NUTM2E: variants seen among roughly 807,000 people sequenced by gnomAD.
NUTM2E encodes the protein family with sequence similarity 22, member E.
Under a neutral mutation model 26.1 loss-of-function variants are expected in NUTM2E, and 3 were observed. That is an observed-to-expected ratio of 0.12 (90% CI 0.05 to 0.30). The LOEUF is 0.30. Among genes scored for constraint, NUTM2E ranks in the 10% least tolerant of loss-of-function variants. The pLI, the probability that NUTM2E is intolerant of heterozygous loss-of-function variation, is 1.00. For missense variants in NUTM2E, 62 were observed against 381.3 expected, an observed-to-expected ratio of 0.16 and a Z score of 6.97; for synonymous variants, 13 against 157.5, an observed-to-expected ratio of 0.08 and a Z score of 6.87.
intron 1 of NUTM2E, among the ~76,000 whole-genome samples, chr10:79,829,142 C>T (rs1841910204): frequency 2.0e-5 from 3 of 151,830 alleles, no homozygotes; most frequent in South Asian, 4.2e-4. Context: ...CCCCTTCTAC[C>T]TTTCTGGGAC....
intron 1 of NUTM2E, among the ~76,000 whole-genome samples, chr10:79,834,683 C>A (rs1413042732): frequency 9.6e-5 from 14 of 145,702 alleles, no homozygotes; most frequent in African/African-American, 2.0e-4. Flanking sequence ...AAAAAAAAAT[C>A]AAAATAAAAT....
intron 1 of NUTM2E, among the ~76,000 whole-genome samples, chr10:79,835,132 C>G (rs1841953738): frequency 6.8e-6 from 1 of 146,906 alleles, no homozygotes; most frequent in South Asian, 2.3e-4. Context: ...TAATAATTCA[C>G]TATGGACTCT....
intron 8 of NUTM2E, among the ~76,000 whole-genome samples, chr10:79,849,113 G>A (rs866779336): frequency 2.0e-4 from 20 of 101,798 alleles, no homozygotes; most frequent in Middle Eastern, 4.6e-3. Context: ...GAGTGTGTAC[G>A]TTACCTGTGT....
chr10:79,827,809 GT>G (rs1218432352), intron 1 of NUTM2E, among the ~76,000 whole-genome samples: 2 of 61,860 alleles, frequency 3.2e-5, no homozygotes, highest in South Asian at 5.4e-4. Flanking sequence ...TTTTTTTTTT[GT>G]TTTTTTTTGT....
chr10:79,827,532 GTCTT>G (rs1223363698), intron 1 of NUTM2E, 175 bp downstream of exon 1: 1 of 146,368 alleles, frequency 6.8e-6, no homozygotes, highest in East Asian at 2.0e-4. Flanking sequence ...CTAGAGCAAT[GTCTT>G]TCTTGTATTA....
rs1054218237 is a variant in NUTM2E, at chr10:79,827,198, C to T, written c.-2887C>T. ...TCTTCGAGGGGCGGCAGGGCCCCAT[C>T]TGTGTCTTTCGCTCTCGAGCCCCCA... On this transcript the variant is annotated 5_prime_UTR_variant, in exon 1 of 10. Coordinates refer to ENST00000429984, the MANE Select transcript of NUTM2E (RefSeq NM_001355263.2). 1.3e-5 allele frequency: 2 copies of T among 152,640 alleles called. No individual in the cohort carries two copies. The highest frequency in any genetic ancestry group is 3.0e-5 in the Non-Finnish European group (2 of 67,664). The allele number at this position is 152,640 out of a possible 1,614,324, so 9.5% of individuals were successfully genotyped here. A position where few individuals can be genotyped will look rare whatever the true frequency, so the allele number is the denominator to read the frequency against.
At chr10:79,832,804 G>T (rs1841935047) in intron 1 of NUTM2E, among the ~76,000 whole-genome samples, 1 of 151,490 alleles carries the variant, frequency 6.6e-6, no homozygotes, top group Non-Finnish European at 1.5e-5. Flanking sequence ...AGTGTTAGAG[G>T]CAAAAAACAG....
intron 2 of NUTM2E, among the ~76,000 whole-genome samples, 73 bp downstream of exon 2, chr10:79,838,659 C>T (rs1232572130): frequency 2.6e-5 from 4 of 151,392 alleles, no homozygotes; most frequent in Admixed American, 1.3e-4. Flanking sequence ...ACGCTTCCGC[C>T]TTGAGCACAG....
rs1460608590 is a variant in NUTM2E at position 79,840,696 on chromosome 10, G to A, written c.-1045G>A. 6.6e-6 allele frequency among the ~76,000 whole-genome samples: 1 copy of A among 151,252 alleles called. No individual in the cohort carries two copies. The highest frequency in any genetic ancestry group is 6.6e-5 in the Admixed American group (1 of 15,174). ...TGCCTTCTTGAGTCCAAGTGTCTTC[G>A]AAAGGGCAAATGCTTCGTAAGTGCC... On this transcript the variant is annotated 5_prime_UTR_variant, in exon 4 of 10. Coordinates refer to ENST00000429984, the MANE Select transcript of NUTM2E (RefSeq NM_001355263.2).
intron 1 of NUTM2E, among the ~76,000 whole-genome samples, chr10:79,837,543 T>A (rs1472028610): frequency 1.3e-5 from 2 of 152,134 alleles, no homozygotes; most frequent in Non-Finnish European, 2.9e-5. Flanking sequence ...AGTTAACACA[T>A]GTCACGGCTA....
chr10:79,842,057 C>T lies in NUTM2E; in HGVS notation c.317C>T (p.Ser106Phe). The T allele has an allele frequency of 1.0e-6, 1 of 984,708 alleles. No individual in the cohort carries two copies. Among genetic ancestry groups the T allele is most frequent in the South Asian group, 1.4e-5 (1 of 73,796 alleles). 61.0% of individuals were successfully genotyped at this position (984,708 alleles called of 1,614,324 possible). Residue 106 changes from serine (S) to phenylalanine (F), a missense_variant, in exon 4 of 10, where the codon TCT becomes TTT. Ser to Phe is a radical substitution (Grantham distance 155, BLOSUM62 -2). Transcript: ENST00000429984. Reference protein sequence around the residue: ...GHSLGLTLGFSYCGNCQTAVV... With the variant: ...GHSLGLTLGFFYCGNCQTAVV... The stretch of plus-strand genomic sequence containing the variant: ...TCTCTGGGTCTTACCCTTGGCTTTT[C>T]TTATTGCGGAAACTGCCAGACGGCG...
intron 1 of NUTM2E, among the ~76,000 whole-genome samples, chr10:79,833,376 C>T (rs2132414309): frequency 6.6e-6 from 1 of 151,116 alleles, no homozygotes; most frequent in Admixed American, 6.6e-5. Context: ...TCTAATTAAA[C>T]TAAAGAGCTT....
chr10:79,834,176 TGGAG>T lies in NUTM2E; in HGVS notation c.-2727-4129_-2727-4126del, dbSNP rs1286772305. ...AGTTGAACAATGACACGTGGGCACA[TGGAG>T]GGAAACATCACACACTGGGGCCTGT... On this transcript the variant is annotated intron_variant, in intron 1 of 9. Transcript: ENST00000429984. 6.1e-5 allele frequency among the ~76,000 whole-genome samples: 9 copies of T among 147,806 alleles called. No homozygotes were observed. In the East Asian group the frequency reaches 1.6e-3, roughly 26 times the overall value.
rs1340976761 is a variant in NUTM2E, at chr10:79,840,990, T to C, written c.-751T>C. Among the ~76,000 whole-genome samples the C allele has an allele frequency of 2.1e-5, 3 of 141,838 alleles. No individual in the cohort carries two copies. The highest frequency in any genetic ancestry group is 7.3e-5 in the Admixed American group (1 of 13,758). The allele number at this position is 141,838 out of a possible 152,430, so 93.1% of individuals were successfully genotyped here. ...AATAAACGGACAGTGATTCTCAGTG[T>C]GGAAATGAGAATGAAGCTTTTTTTA... is the stretch of plus-strand genomic sequence containing the variant. On this transcript the variant is annotated 5_prime_UTR_variant, in exon 4 of 10. Coordinates refer to ENST00000429984, the MANE Select transcript of NUTM2E (RefSeq NM_001355263.2).
intron 1 of NUTM2E, among the ~76,000 whole-genome samples, chr10:79,830,632 G>A (rs1841921732): frequency 6.6e-6 from 1 of 151,626 alleles, no homozygotes; most frequent in Non-Finnish European, 1.5e-5. Context: ...TAAGAAACTA[G>A]TGGCCTTTAA....
intron 1 of NUTM2E, among the ~76,000 whole-genome samples, chr10:79,830,201 G>A (rs1002357792): frequency 4.6e-5 from 7 of 151,346 alleles, no homozygotes; most frequent in Non-Finnish European, 8.8e-5. Context: ...TAGTAGCTGT[G>A]ATATAGTAAA....
intron 1 of NUTM2E, among the ~76,000 whole-genome samples, chr10:79,834,993 A>G (rs1841952808): frequency 6.6e-6 from 1 of 151,402 alleles, no homozygotes; most frequent in South Asian, 2.1e-4. Context: ...TCATCCTTCC[A>G]TTCAATCTTC....
In NUTM2E at chr10:79,847,832, C is replaced by T. The variant is rs1389921971; in HGVS notation, c.1212-99C>T. On this transcript the variant is annotated intron_variant, in intron 6 of 9. Transcript: ENST00000429984. ...ACAGTGAGGGCCTGGACAGCCCACC[C>T]GAGGCACTCCCTCCTATCCCTGCCC... The T allele has an allele frequency of 2.9e-3, 1,112 of 378,678 alleles. 3 individuals are homozygous for T. The African/African-American group carries it at 0.029, about 10-fold the overall frequency. 23.5% of individuals were successfully genotyped at this position (378,678 alleles called of 1,614,324 possible).
Position 79,838,464 on chromosome 10 carries a change from A to T in NUTM2E, c.-2572A>T, listed in dbSNP as rs1841977531. ...AGCTACTTCTTTGCTGAACTGCATC[A>T]CGGTTTCAACTGCTGAGGTTTTCTT... On this transcript the variant is annotated 5_prime_UTR_variant, in exon 2 of 10. Coordinates refer to ENST00000429984, the MANE Select transcript of NUTM2E (RefSeq NM_001355263.2). Among the ~76,000 whole-genome samples the T allele has an allele frequency of 1.3e-5, 2 of 148,988 alleles. No homozygotes were observed. The highest frequency in any genetic ancestry group is 6.7e-5 in the Admixed American group (1 of 14,894).
Sources: gnomAD v4.1 joint callset for allele counts (sites outside exome capture counted in the v4.1 genomes callset) on GRCh38, gnomAD v4.1.1 for gene constraint, MANE v1.5 for transcripts, NCBI Gene and HGNC (gene_info 2026-07-23, HGNC 2026-07-21) for gene names.